RNF217: variants seen among roughly 807,000 people sequenced by gnomAD.
The protein encoded by RNF217 is ring finger protein 217, also known as E3 ubiquitin-protein ligase RNF217.
In RNF217, 31 loss-of-function variants were observed where a neutral mutation model predicts 57.8. The observed-to-expected ratio is 0.54, with a 90% CI of 0.40 to 0.72. The LOEUF (loss-of-function observed/expected upper bound fraction) is 0.72, where lower values mean the gene tolerates loss of function less well. RNF217 is among the 30% of genes least tolerant of loss of function. RNF217 has a pLI of 0.00. For synonymous variants in RNF217, 313 were observed against 294.0 expected, an observed-to-expected ratio of 1.06 and a Z score of -0.66; for missense variants, 696 against 708.3, an observed-to-expected ratio of 0.98 and a Z score of 0.20.
At chr6:125,073,655 C>T (rs932751985) in intron 3 of RNF217, among the ~76,000 whole-genome samples, 9 of 152,118 alleles carry the variant, frequency 5.9e-5, no homozygotes, top group Non-Finnish European at 1.3e-4. Flanking sequence ...ATGCCCTTGA[C>T]CACACACTTG....
chr6:125,076,352 G>A (rs764107622), intron 3 of RNF217, among the ~76,000 whole-genome samples: 4 of 152,042 alleles, frequency 2.6e-5, no homozygotes, highest in Admixed American at 6.6e-5. Context: ...CCTCCTAACC[G>A]TTGAATTAGG....
intron 1 of RNF217, among the ~76,000 whole-genome samples, chr6:125,042,274 C>G (rs563552390): frequency 1.3e-5 from 2 of 152,142 alleles, no homozygotes; most frequent in South Asian, 2.1e-4. Flanking sequence ...AACAATGATT[C>G]CAATTCTGTA....
rs1014205983 is a variant in RNF217, at chr6:125,085,534, T to C, written c.*2597T>C. 6.6e-6 allele frequency: 1 copy of C among 151,914 alleles called. No homozygotes were observed. 9.4% of individuals were successfully genotyped at this position (151,914 alleles called of 1,614,324 possible). A position where few individuals can be genotyped will look rare whatever the true frequency, so the allele number is the denominator to read the frequency against. On this transcript the variant is annotated 3_prime_UTR_variant, in exon 6 of 6. Transcript: ENST00000521654. ...GCCAACTTTGAAGGTAAAACAGTAG[T>C]AGTAACTTTTGGGAGAAATTCTAAA...
intron 1 of RNF217, among the ~76,000 whole-genome samples, chr6:125,011,022 T>C (rs982574408): frequency 2.0e-5 from 3 of 152,216 alleles, no homozygotes. Context: ...CACTGACTCT[T>C]TAGATTTCTT....
intron 1 of RNF217, among the ~76,000 whole-genome samples, chr6:124,980,111 AT>A (rs1470220472): frequency 6.6e-6 from 1 of 152,064 alleles, no homozygotes; most frequent in Admixed American, 6.6e-5. Flanking sequence ...TATTTTACCC[AT>A]CTCGAAGGGA....
intron 1 of RNF217, among the ~76,000 whole-genome samples, chr6:125,003,375 A>G (rs555463272): frequency 4.6e-4 from 70 of 152,132 alleles, no homozygotes; most frequent in African/African-American, 1.7e-3. Context: ...TTGGTATGTG[A>G]CCTTGGAAAA....
chr6:124,965,037 G>A (rs1043835705), intron 1 of RNF217, among the ~76,000 whole-genome samples: 11 of 152,146 alleles, frequency 7.2e-5, no homozygotes, highest in African/African-American at 2.4e-4. Flanking sequence ...CTTATGGTGG[G>A]CCCTTTCCCC....
At chr6:125,069,562 G>T (rs1294539809) in intron 3 of RNF217, among the ~76,000 whole-genome samples, 1 of 152,128 alleles carries the variant, frequency 6.6e-6, no homozygotes, top group African/African-American at 2.4e-5. Context: ...CTGTTGATGG[G>T]CACCTAGGTT....
At chr6:125,049,255 G>A (rs989099078) in intron 2 of RNF217, among the ~76,000 whole-genome samples, 14 of 151,978 alleles carry the variant, frequency 9.2e-5, no homozygotes, top group African/African-American at 3.4e-4. Flanking sequence ...CACACCCAAA[G>A]CTTTTCACCA....
chr6:124,995,399 T>A (rs1369114937), intron 1 of RNF217, among the ~76,000 whole-genome samples: 1 of 152,252 alleles, frequency 6.6e-6, no homozygotes, highest in African/African-American at 2.4e-5. Context: ...TAATTTAGTT[T>A]CATTACAAAT....
intron 1 of RNF217, among the ~76,000 whole-genome samples, chr6:125,036,521 TG>T (rs1582737058): frequency 6.6e-6 from 1 of 152,148 alleles, no homozygotes; most frequent in East Asian, 1.9e-4. Context: ...AGTTGACAAA[TG>T]GGATCTAATT....
intron 2 of RNF217, 63 bp from the exon 3 acceptor site, chr6:125,057,879 C>T (rs752211680): frequency 1.1e-4 from 148 of 1,399,476 alleles, no homozygotes; most frequent in Non-Finnish European, 1.3e-4. Flanking sequence ...GCATCACCTT[C>T]TTATCCTTTT....
At chr6:125,031,628 C>T (rs1045789846) in intron 1 of RNF217, among the ~76,000 whole-genome samples, 1 of 152,192 alleles carries the variant, frequency 6.6e-6, no homozygotes, top group African/African-American at 2.4e-5. Flanking sequence ...CAACAAGTTT[C>T]TCATCTCCAT....
In RNF217 at chr6:125,086,728, T is replaced by C. The variant is rs1377341088; in HGVS notation, c.*3791T>C. On this transcript the variant is annotated 3_prime_UTR_variant, in exon 6 of 6. Coordinates refer to ENST00000521654, the MANE Select transcript of RNF217 (RefSeq NM_001286398.3). ...TTTTCTCATAGGTGCTATTGTGTCC[T>C]AAGAGTAGAACAGACAAGAAAACAA... is the stretch of plus-strand genomic sequence containing the variant. 6.6e-6 allele frequency: 1 copy of C among 152,110 alleles called. No homozygotes were observed. Among genetic ancestry groups the C allele is most frequent in the Non-Finnish European group, 1.5e-5 (1 of 67,984 alleles). The allele number at this position is 152,110 out of a possible 1,614,324, so 9.4% of individuals were successfully genotyped here.
intron 1 of RNF217, among the ~76,000 whole-genome samples, chr6:125,002,850 C>G (rs1785041091): frequency 6.6e-6 from 1 of 152,118 alleles, no homozygotes; most frequent in Non-Finnish European, 1.5e-5. Flanking sequence ...GAGACTCTTG[C>G]AGACTTTATT....
chr6:125,002,133 A>T (rs753582450), intron 1 of RNF217, among the ~76,000 whole-genome samples: 1 of 152,188 alleles, frequency 6.6e-6, no homozygotes, highest in Non-Finnish European at 1.5e-5. Flanking sequence ...TAATCTCCAG[A>T]ATGGCTTACT....
chr6:124,980,829 C>G (rs908677258), intron 1 of RNF217, among the ~76,000 whole-genome samples: 1 of 152,106 alleles, frequency 6.6e-6, no homozygotes, highest in Non-Finnish European at 1.5e-5. Flanking sequence ...TAATTACACT[C>G]TATATTGATC....
chr6:125,026,954 TTTG>T (rs1197343198), intron 1 of RNF217, among the ~76,000 whole-genome samples: 1 of 152,130 alleles, frequency 6.6e-6, no homozygotes, highest in African/African-American at 2.4e-5. Flanking sequence ...GTTTATTATA[TTTG>T]TTGAATGAAC....
At chr6:125,067,218 G>C (rs1787967176) in intron 3 of RNF217, among the ~76,000 whole-genome samples, 1 of 152,192 alleles carries the variant, frequency 6.6e-6, no homozygotes. Flanking sequence ...TTTATGCAAG[G>C]AAGTGGTGAG....
Sources: gnomAD v4.1 joint callset for allele counts (sites outside exome capture counted in the v4.1 genomes callset) on GRCh38, gnomAD v4.1.1 for gene constraint, MANE v1.5 for transcripts, NCBI Gene and HGNC (gene_info 2026-07-23, HGNC 2026-07-21) for gene names.